The following TAOK1 variants were observed in gnomAD, a reference collection of about 807,000 sequenced individuals.
TAOK1 encodes the protein TAO kinase 1.
In TAOK1, 21 loss-of-function variants were observed where a neutral mutation model predicts 138.3. The ratio of observed to expected loss-of-function variants is 0.15; its 90% CI spans 0.11 to 0.22. The LOEUF (loss-of-function observed/expected upper bound fraction) is 0.22, where lower values mean the gene tolerates loss of function less well. Ranked by LOEUF, TAOK1 falls within the 10% of genes least tolerant of loss-of-function variation. The pLI is 1.00. For synonymous variants in TAOK1, 361 were observed against 398.4 expected (o/e 0.91, Z 1.12); for missense variants, 651 against 1,227.7 (o/e 0.53, Z 7.02).
chr17:29,502,503 TC>T, intron 12 of TAOK1, 85 bp from the exon 13 acceptor site: 3 of 1,405,420 alleles, frequency 2.1e-6, no homozygotes, highest in Non-Finnish European at 2.9e-6. Context: ...GATTGATTGA[TC>T]AAGTTGTCTT....
chr17:29,391,582 C>T (rs965370975), intron 1 of TAOK1, among the ~76,000 whole-genome samples: 2 of 152,172 alleles, frequency 1.3e-5, no homozygotes, highest in Admixed American at 6.6e-5. Context: ...CCCATGTATA[C>T]ACAGAAGGGA....
rs1436171917 is a variant in TAOK1 at position 29,482,773 on chromosome 17, T to G, written c.655+485T>G. 1.5e-4 allele frequency among the ~76,000 whole-genome samples: 23 copies of G among 151,842 alleles called. 1 individual carries two copies. The highest frequency in any genetic ancestry group is 1.3e-3 in the Admixed American group (19 of 15,196). On this transcript the variant is annotated intron_variant, in intron 8 of 19. Transcript: ENST00000261716. ...TTTTTTTAAGACGGTAAGGCCGACT[T>G]CATTCAACAGGGGCCATGATCCATA...
At chr17:29,468,812 G>A (rs1443071735) in intron 3 of TAOK1, among the ~76,000 whole-genome samples, 1 of 152,072 alleles carries the variant, frequency 6.6e-6, no homozygotes, top group African/African-American at 2.4e-5. Context: ...GCCTCCCAAA[G>A]TACTGAGATT....
chr17:29,491,925 C>G, intron 10 of TAOK1, 60 bp downstream of exon 10: 12 of 1,340,760 alleles, frequency 9.0e-6, no homozygotes, highest in Non-Finnish European at 1.3e-5. Flanking sequence ...CACTTTGTCA[C>G]CCAGGCTGGA....
intron 1 of TAOK1, among the ~76,000 whole-genome samples, chr17:29,412,749 G>A (rs949429957): frequency 6.6e-6 from 1 of 152,164 alleles, no homozygotes; most frequent in Non-Finnish European, 1.5e-5. Flanking sequence ...GAATTTGGCA[G>A]TGAACTAGGG....
At chr17:29,455,836 T>A (rs1410908041) in intron 2 of TAOK1, among the ~76,000 whole-genome samples, 2 of 150,368 alleles carry the variant, frequency 1.3e-5, no homozygotes, top group African/African-American at 5.0e-5. Flanking sequence ...TCACGGTTTG[T>A]AATTCTTTTA....
intron 18 of TAOK1, among the ~76,000 whole-genome samples, chr17:29,532,896 C>T (rs1339126655): frequency 3.3e-5 from 5 of 150,918 alleles, no homozygotes; most frequent in South Asian, 2.1e-4. Flanking sequence ...CGGGCAGAGG[C>T]GCCCCTCACC....
chr17:29,427,651 G>T (rs971590930), intron 1 of TAOK1, among the ~76,000 whole-genome samples: 17 of 151,950 alleles, frequency 1.1e-4, no homozygotes, highest in African/African-American at 4.1e-4. Context: ...TCTTGGCCAG[G>T]CGTAGTGGCT....
intron 1 of TAOK1, among the ~76,000 whole-genome samples, chr17:29,392,981 A>G (rs961702870): frequency 3.3e-5 from 5 of 152,170 alleles, no homozygotes; most frequent in Non-Finnish European, 7.4e-5. Context: ...ATGGTATGTT[A>G]AATAAGTTTT....
At chr17:29,472,537 A>T (rs1368442713) in intron 3 of TAOK1, among the ~76,000 whole-genome samples, 1 of 133,682 alleles carries the variant, frequency 7.5e-6, no homozygotes, top group Non-Finnish European at 1.6e-5. Context: ...ACAGGCGTGA[A>T]CCACCATGCC....
intron 12 of TAOK1, 23 bp from the exon 13 acceptor site, chr17:29,502,566 T>C: frequency 1.3e-6 from 2 of 1,597,106 alleles, no homozygotes; most frequent in Non-Finnish European, 1.7e-6. Flanking sequence ...TTACATAATA[T>C]TGTCTTTTTT....
At chr17:29,525,879 C>T (rs946380435) in intron 17 of TAOK1, among the ~76,000 whole-genome samples, 1 of 152,198 alleles carries the variant, frequency 6.6e-6, no homozygotes, top group African/African-American at 2.4e-5. Flanking sequence ...TGCCTGTAGT[C>T]CCAGCTACTT....
chr17:29,500,654 T>C (rs1210983946), intron 12 of TAOK1, among the ~76,000 whole-genome samples: 2 of 150,664 alleles, frequency 1.3e-5, no homozygotes, highest in Middle Eastern at 3.2e-3. Flanking sequence ...GACAGAAGAA[T>C]CGCTTGAACC....
chr17:29,407,253 C>G (rs1237394292), intron 1 of TAOK1, among the ~76,000 whole-genome samples: 1 of 152,050 alleles, frequency 6.6e-6, no homozygotes, highest in African/African-American at 2.4e-5. Flanking sequence ...TCCCAAAGTG[C>G]TGGGATTACA....
rs146844537 is a variant in TAOK1 at position 29,437,113 on chromosome 17, G to C, written c.-94-14342G>C. Among the ~76,000 whole-genome samples the C allele has an allele frequency of 8.2e-3, 1,249 of 152,242 alleles. 9 individuals are homozygous for C. The highest frequency in any genetic ancestry group is 0.014 in the Middle Eastern group (4 of 294). On this transcript the variant is annotated intron_variant, in intron 1 of 19. Transcript: ENST00000261716. Reference sequence around the variant, plus strand: ...GAATCTGGCACTGTTGCCCGGGCTGGAGTGCAGTGGTGTGATCTTGGCTCA... The same window carrying C: ...GAATCTGGCACTGTTGCCCGGGCTGCAGTGCAGTGGTGTGATCTTGGCTCA...
At chr17:29,413,174 G>C (rs1488717930) in intron 1 of TAOK1, among the ~76,000 whole-genome samples, 1 of 152,094 alleles carries the variant, frequency 6.6e-6, no homozygotes, top group Non-Finnish European at 1.5e-5. Flanking sequence ...TATTAATTAG[G>C]TTCAATGTGG....
intron 3 of TAOK1, among the ~76,000 whole-genome samples, chr17:29,468,135 A>G (rs1351525291): frequency 1.3e-5 from 1 of 76,058 alleles, no homozygotes; most frequent in Non-Finnish European, 2.5e-5. Context: ...CCTGCTTTCA[A>G]TTTTTTTTTT....
intron 1 of TAOK1, among the ~76,000 whole-genome samples, chr17:29,447,659 A>T (rs111723493): frequency 0.079 from 11,602 of 146,886 alleles, 627 homozygotes; most frequent in Non-Finnish European, 0.12. Flanking sequence ...ATTTTATTTT[A>T]TTTTTTTTTT....
intron 1 of TAOK1, among the ~76,000 whole-genome samples, chr17:29,396,215 A>G (rs1904595520): frequency 6.6e-6 from 1 of 152,158 alleles, no homozygotes; most frequent in Non-Finnish European, 1.5e-5. Context: ...TTCTGTCATC[A>G]TATGGTAACA....
Sources: gnomAD v4.1 joint callset for allele counts (sites outside exome capture counted in the v4.1 genomes callset) on GRCh38, gnomAD v4.1.1 for gene constraint, MANE v1.5 for transcripts, NCBI Gene and HGNC (gene_info 2026-07-23, HGNC 2026-07-21) for gene names.